PTPRG: variants seen among roughly 807,000 people sequenced by gnomAD.
PTPRG encodes receptor-type tyrosine-protein phosphatase gamma.
PTPRG carries 102 observed loss-of-function variants against 165.3 expected under a neutral mutation model. The observed-to-expected ratio is 0.62, with a 90% CI of 0.53 to 0.73. PTPRG has a LOEUF of 0.73. Among genes scored for constraint, PTPRG ranks in the 30% least tolerant of loss-of-function variants. The pLI is 0.00. For missense variants in PTPRG, 1,866 were observed against 1,861.4 expected (o/e 1.00, Z -0.05); for synonymous variants, 675 against 669.5 (o/e 1.01, Z -0.13).
chr3:62,038,691 C>T (rs765271245), intron 4 of PTPRG, among the ~76,000 whole-genome samples: 4 of 152,014 alleles, frequency 2.6e-5, no homozygotes, highest in South Asian at 4.2e-4. Context: ...ACACCTTGCC[C>T]GGCCATGCTT....
At chr3:62,077,205 G>A (rs954534259) in intron 4 of PTPRG, among the ~76,000 whole-genome samples, 4 of 152,060 alleles carry the variant, frequency 2.6e-5, no homozygotes, top group Admixed American at 6.5e-5. Context: ...GATGGAGGCC[G>A]CAGTGAGCCG....
rs114392601 is a variant in PTPRG at position 61,766,553 on chromosome 3, T to C, written c.190+17571T>C. On this transcript the variant is annotated intron_variant, in intron 2 of 29. Transcript: ENST00000474889. ...CAGCTCTCTTTAGTAGACTGCATTA[T>C]AGAAAGGAAACTTTGTTCGTATCAC... 9.8e-3 allele frequency among the ~76,000 whole-genome samples: 1,495 copies of C among 152,244 alleles called. 25 individuals carry two copies. Among genetic ancestry groups the C allele is most frequent in the African/African-American group, 0.034 (1,432 of 41,544 alleles).
intron 3 of PTPRG, among the ~76,000 whole-genome samples, chr3:61,999,919 A>G (rs1251699460): frequency 6.6e-6 from 1 of 152,220 alleles, no homozygotes; most frequent in Admixed American, 6.5e-5. Context: ...GATATAATCA[A>G]AAAGATAGAA....
rs746387018 is a variant in PTPRG at position 62,277,649 on chromosome 3, C to T, written c.3735C>T (p.Ile1245=). 6 of 1,612,568 alleles carry T rather than the reference C, an allele frequency of 3.7e-6. No homozygotes were observed. In the African/African-American group the frequency reaches 8.0e-5, roughly 22 times the overall value. ...WRMIWDHNAQ[I]IVMLPDNQSL... ...TGATTTGGGATCATAACGCACAGAT[C>T]ATTGTCATGCTGCCAGACAACCAGA... is the stretch of plus-strand genomic sequence containing the variant. Residue 1245 remains isoleucine, a synonymous_variant, in exon 26 of 30, where the codon ATC becomes ATT. Transcript: ENST00000474889.
rs749173201 is a variant in PTPRG at position 62,273,059 on chromosome 3, G to C, written c.3296G>C (p.Arg1099Pro). 6.2e-7 allele frequency: 1 copy of C among 1,613,082 alleles called. No individual in the cohort carries two copies. The highest frequency in any genetic ancestry group is 8.5e-7 in the Non-Finnish European group (1 of 1,179,558). ...TTCCTGAAGCATATCAGGACACAGCGTAACTACCTCGTCCAGACTGAGGTA... is the reference window on the plus strand; with the variant it reads ...TTCCTGAAGCATATCAGGACACAGCCTAACTACCTCGTCCAGACTGAGGTA... Reference protein sequence around the residue: ...LGFLKHIRTQRNYLVQTEEQY... With the variant: ...LGFLKHIRTQPNYLVQTEEQY... The change falls in exon 22 of 30, where the codon CGT becomes CCT. Residue 1099 changes from arginine to proline, a missense_variant. Transcript: ENST00000474889. The surrounding 1 kb of genome is among the most constrained non-coding windows in gnomAD (Gnocchi z 4.1).
chr3:62,128,697 T>A (rs76986887), intron 5 of PTPRG, among the ~76,000 whole-genome samples: 6,873 of 149,426 alleles, frequency 0.046, 362 homozygotes, highest in African/African-American at 0.14. Context: ...GACTCAGAAT[T>A]CCATATTTTC....
chr3:61,902,560 A>C (rs551825976), intron 2 of PTPRG, among the ~76,000 whole-genome samples: 2 of 152,198 alleles, frequency 1.3e-5, no homozygotes, highest in Non-Finnish European at 2.9e-5. Context: ...ACCATCAATA[A>C]TAGTATCTGT....
At chr3:61,600,413 T>G (rs1347788914) in intron 1 of PTPRG, among the ~76,000 whole-genome samples, 1 of 152,160 alleles carries the variant, frequency 6.6e-6, no homozygotes, top group Non-Finnish European at 1.5e-5. Context: ...ACGTAAGACA[T>G]GAACTGTACT....
chr3:61,889,435 C>G (rs1028544340), intron 2 of PTPRG, among the ~76,000 whole-genome samples: 1 of 152,182 alleles, frequency 6.6e-6, no homozygotes, highest in Non-Finnish European at 1.5e-5. Flanking sequence ...GTTATATATC[C>G]ATGACCCTAA....
intron 2 of PTPRG, among the ~76,000 whole-genome samples, chr3:61,854,048 C>A (rs1241397208): frequency 1.3e-5 from 2 of 152,164 alleles, no homozygotes. Context: ...GGTGGCCATT[C>A]AAAAGAGAAA....
chr3:62,209,990 G>A lies in PTPRG; in HGVS notation c.2155+6040G>A, dbSNP rs74944053. On this transcript the variant is annotated intron_variant, in intron 12 of 29. Transcript: ENST00000474889. ...TTGCAACCAACTGTCAGTGGTGGCC[G>A]TCTGATAGGTTAGGGCTTGCCGTCT... Among the ~76,000 whole-genome samples, 93 of 152,254 alleles carry A rather than the reference G, an allele frequency of 6.1e-4. No homozygotes were observed. In the East Asian group the frequency reaches 0.015, roughly 24 times the overall value.
At chr3:62,091,711 G>T (rs187147717) in intron 5 of PTPRG, among the ~76,000 whole-genome samples, 6 of 152,264 alleles carry the variant, frequency 3.9e-5, no homozygotes, top group African/African-American at 1.2e-4. Context: ...GGATGTGATC[G>T]TTGGAGATTT....
chr3:61,941,486 G>A (rs978282454), intron 2 of PTPRG, among the ~76,000 whole-genome samples: 59 of 152,318 alleles, frequency 3.9e-4, no homozygotes, highest in African/African-American at 1.4e-3. Flanking sequence ...AGCCGGGCAT[G>A]GCGGTGCATG....
intron 2 of PTPRG, among the ~76,000 whole-genome samples, chr3:61,824,658 A>G (rs1444975502): frequency 6.6e-6 from 1 of 152,162 alleles, no homozygotes; most frequent in Non-Finnish European, 1.5e-5. Flanking sequence ...AAAATTAACT[A>G]GGTATGGTGG....
At chr3:61,718,401 A>G (rs2031907652) in intron 1 of PTPRG, among the ~76,000 whole-genome samples, 1 of 152,148 alleles carries the variant, frequency 6.6e-6, no homozygotes, top group African/African-American at 2.4e-5. Flanking sequence ...GTTGATTGAA[A>G]CTGTATGCTG....
chr3:61,946,395 G>A (rs1359116319), intron 2 of PTPRG, among the ~76,000 whole-genome samples: 1 of 152,182 alleles, frequency 6.6e-6, no homozygotes, highest in Non-Finnish European at 1.5e-5. Context: ...TTAATTTAGG[G>A]AACAGAGAAA....
intron 2 of PTPRG, among the ~76,000 whole-genome samples, chr3:61,881,573 A>G (rs2037890072): frequency 6.6e-6 from 1 of 152,176 alleles, no homozygotes; most frequent in Non-Finnish European, 1.5e-5. Flanking sequence ...TTTTCTAGCC[A>G]TTTGGGTTTT....
At chr3:62,139,272 C>A (rs1703833616) in intron 6 of PTPRG, among the ~76,000 whole-genome samples, 1 of 152,064 alleles carries the variant, frequency 6.6e-6, no homozygotes, top group Non-Finnish European at 1.5e-5. Context: ...CGAGACCAGC[C>A]TGGTCAACAT....
intron 3 of PTPRG, among the ~76,000 whole-genome samples, chr3:61,996,284 C>G (rs912078458): frequency 6.6e-6 from 1 of 152,090 alleles, no homozygotes; most frequent in South Asian, 2.1e-4. Flanking sequence ...GGGAGGGTTT[C>G]AAACTCACCT....
Sources: allele counts gnomAD v4.1 joint callset (sites outside exome capture counted in the v4.1 genomes callset), GRCh38; gene constraint gnomAD v4.1.1; non-coding constraint Gnocchi (gnomAD v3.1); transcripts MANE v1.5; gene names NCBI Gene and HGNC (gene_info 2026-07-23, HGNC 2026-07-21).